SUCLG2: variants seen among roughly 807,000 people sequenced by gnomAD.
The protein encoded by SUCLG2 is succinate--CoA ligase [GDP-forming] subunit beta, mitochondrial.
A neutral mutation model predicts 47.9 loss-of-function variants in SUCLG2; 42 were observed. The observed-to-expected ratio is 0.88, with a 90% confidence interval of 0.69 to 1.14. The LOEUF is 1.14. Ranked by LOEUF, SUCLG2 falls within the 50% of genes most tolerant of loss-of-function variation. SUCLG2 has a pLI of 0.00. For synonymous variants in SUCLG2, 195 were observed against 197.3 expected (o/e 0.99, Z 0.10); for missense variants, 571 against 525.9 (o/e 1.09, Z -0.84).
intron 1 of SUCLG2, among the ~76,000 whole-genome samples, chr3:67,634,903 G>A (rs1700983428): frequency 6.6e-6 from 1 of 152,064 alleles, no homozygotes; most frequent in African/African-American, 2.4e-5. Context: ...TTTCCTATTA[G>A]TTCCTGGCTT....
At chr3:67,506,339 T>C (rs1361712865) in intron 7 of SUCLG2, among the ~76,000 whole-genome samples, 2 of 152,230 alleles carry the variant, frequency 1.3e-5, no homozygotes, top group Non-Finnish European at 1.5e-5. Context: ...ACATACTCAT[T>C]TAATTGTGAT....
chr3:67,381,098 G>A (rs915314919), intron 10 of SUCLG2, among the ~76,000 whole-genome samples: 1 of 152,038 alleles, frequency 6.6e-6, no homozygotes, highest in Non-Finnish European at 1.5e-5. Flanking sequence ...GACCGCTTGA[G>A]CACAGAAGGT....
At chr3:67,571,065 A>T (rs1707594236) in intron 2 of SUCLG2, among the ~76,000 whole-genome samples, 1 of 152,130 alleles carries the variant, frequency 6.6e-6, no homozygotes, top group Non-Finnish European at 1.5e-5. Context: ...TCTTGTATCT[A>T]CCCTAAACAG....
rs972602581 is a variant in SUCLG2, at chr3:67,394,113, A to G, written c.1183+6618T>C. ...AACTGGAAACTCTAAAAAGCAGAGC[A>G]CCTCTCCTCCTCCAAAGGAATGCAG... is the stretch of plus-strand genomic sequence containing the variant. On this transcript the variant is annotated intron_variant, in intron 10 of 10. Transcript: ENST00000307227. Among the ~76,000 whole-genome samples the G allele has an allele frequency of 3.3e-3, 507 of 152,214 alleles. 4 individuals carry two copies. The highest frequency in any genetic ancestry group is 3.9e-3 in the Non-Finnish European group (263 of 68,010).
At chr3:67,473,275 AC>A (rs1227980863) in intron 9 of SUCLG2, among the ~76,000 whole-genome samples, 4 of 152,116 alleles carry the variant, frequency 2.6e-5, no homozygotes, top group Non-Finnish European at 5.9e-5. Flanking sequence ...GACCTCCCGG[AC>A]TAAGGTGTTT....
intron 1 of SUCLG2, among the ~76,000 whole-genome samples, chr3:67,634,902 A>T (rs1052231711): frequency 1.3e-5 from 2 of 152,194 alleles, no homozygotes; most frequent in South Asian, 2.1e-4. Flanking sequence ...TTTTCCTATT[A>T]GTTCCTGGCT....
intron 9 of SUCLG2, among the ~76,000 whole-genome samples, chr3:67,418,308 ATATAAGTAAT>A (rs564111073): frequency 3.3e-3 from 504 of 152,314 alleles, no homozygotes; most frequent in Non-Finnish European, 5.4e-3. Context: ...TTTACCTGGC[ATATAAGTAAT>A]TCAACCCTTT....
intron 1 of SUCLG2, 141 bp downstream of exon 1, chr3:67,654,362 G>C: frequency 4.9e-6 from 3 of 611,194 alleles, no homozygotes; most frequent in Non-Finnish European, 7.1e-6. Context: ...GCCTGGACCC[G>C]GCGCCGCGTC....
Position 67,365,688 on chromosome 3 carries a change from G to A in SUCLG2, c.1184-4920C>T, listed in dbSNP as rs73098319. ...CAGTCTAACATGTGTGACTAAGCAC[G>A]TGATAAAAAATTTGCAATTTTAAGT... On this transcript the variant is annotated intron_variant, in intron 10 of 10. Transcript: ENST00000493112. Among the ~76,000 whole-genome samples, 696 of 152,250 alleles carry A rather than the reference G, an allele frequency of 4.6e-3. 1 individual carries two copies. The highest frequency in any genetic ancestry group is 6.0e-3 in the Non-Finnish European group (408 of 68,016).
chr3:67,382,882 T>A (rs1702188403), intron 10 of SUCLG2, among the ~76,000 whole-genome samples: 1 of 152,132 alleles, frequency 6.6e-6, no homozygotes, highest in Non-Finnish European at 1.5e-5. Flanking sequence ...AAGCAGCAAA[T>A]TCCTCCTCAA....
intron 2 of SUCLG2, among the ~76,000 whole-genome samples, chr3:67,592,740 CAAA>C (rs1187452813): frequency 3.5e-4 from 18 of 51,862 alleles, no homozygotes; most frequent in African/African-American, 1.1e-3. Flanking sequence ...AAAAAAACAA[CAAA>C]AAAAAACTGA....
intron 9 of SUCLG2, among the ~76,000 whole-genome samples, chr3:67,476,879 G>A (rs114621007): frequency 0.017 from 2,612 of 152,198 alleles, 79 homozygotes; most frequent in African/African-American, 0.058. Context: ...AATCAATGGC[G>A]TCTACATGAT....
At chr3:67,555,870 C>G (rs1707147465) in intron 2 of SUCLG2, among the ~76,000 whole-genome samples, 1 of 152,208 alleles carries the variant, frequency 6.6e-6, no homozygotes. Context: ...AAATTCAAAT[C>G]ACTTACAAAG....
chr3:67,589,907 C>T (rs747020543), intron 2 of SUCLG2, among the ~76,000 whole-genome samples: 6 of 152,220 alleles, frequency 3.9e-5, no homozygotes, highest in Non-Finnish European at 1.5e-5. Flanking sequence ...TTACAGGTCA[C>T]TCTGAAGGTA....
chr3:67,493,640 C>T (rs1173383333), intron 9 of SUCLG2, among the ~76,000 whole-genome samples: 2 of 152,100 alleles, frequency 1.3e-5, no homozygotes, highest in Non-Finnish European at 2.9e-5. Context: ...TCTCTATTAT[C>T]CTTTGCACAG....
At chr3:67,572,063 A>C (rs1416840456) in intron 2 of SUCLG2, among the ~76,000 whole-genome samples, 1 of 152,258 alleles carries the variant, frequency 6.6e-6, no homozygotes, top group Non-Finnish European at 1.5e-5. Flanking sequence ...TGCAACTGCC[A>C]GGTAGGCAGC....
chr3:67,362,513 A>T (rs987377764), intron 10 of SUCLG2, among the ~76,000 whole-genome samples: 1 of 151,940 alleles, frequency 6.6e-6, no homozygotes, highest in Non-Finnish European at 1.5e-5. Flanking sequence ...TGATAATCTA[A>T]TTTTTTTGTG....
chr3:67,486,242 G>A (rs1207093657), intron 9 of SUCLG2, among the ~76,000 whole-genome samples: 2 of 152,064 alleles, frequency 1.3e-5, no homozygotes, highest in Non-Finnish European at 2.9e-5. Context: ...TCCAGCCTGG[G>A]TGACAGAATG....
intron 1 of SUCLG2, among the ~76,000 whole-genome samples, chr3:67,641,565 T>C (rs1249678540): frequency 6.6e-6 from 1 of 152,250 alleles, no homozygotes; most frequent in East Asian, 1.9e-4. Flanking sequence ...AGGGTGGTTC[T>C]GGAGGTCTGT....
Sources: allele counts gnomAD v4.1 joint callset (sites outside exome capture counted in the v4.1 genomes callset), GRCh38; gene constraint gnomAD v4.1.1; transcripts MANE v1.5; gene names NCBI Gene and HGNC (gene_info 2026-07-23, HGNC 2026-07-21).